TMIE: variants seen among roughly 807,000 people sequenced by gnomAD.
TMIE encodes transmembrane inner ear.
A neutral mutation model predicts 16.8 loss-of-function variants in TMIE; 14 were observed. The observed-to-expected ratio is 0.83, with a 90% CI of 0.55 to 1.30. The LOEUF (loss-of-function observed/expected upper bound fraction) is 1.30. TMIE is among the 50% of genes most tolerant of loss of function. The probability of loss-of-function intolerance (pLI) is 0.00; values close to 1 mark genes in which losing one functional copy is unlikely to be tolerated. For synonymous variants in TMIE, 75 were observed against 87.2 expected, an observed-to-expected ratio of 0.86 and a Z score of 0.78; for missense variants, 204 against 205.9, an observed-to-expected ratio of 0.99 and a Z score of 0.06.
chr3:46,709,649 T>TGAGAAGAATGAGGCC lies in TMIE; in HGVS notation c.433_447dup (p.Glu145_Ala149dup), dbSNP rs1359910824. The TGAGAAGAATGAGGCC allele has an allele frequency of 1.2e-6, 2 of 1,613,442 alleles. No individual in the cohort carries two copies. Among genetic ancestry groups the TGAGAAGAATGAGGCC allele is most frequent in the South Asian group, 1.1e-5 (1 of 91,056 alleles). On this transcript the variant is annotated inframe_insertion, in exon 4 of 4. Coordinates refer to ENST00000643606, the MANE Select transcript of TMIE (RefSeq NM_147196.3). The stretch of plus-strand genomic sequence containing the variant: ...CAGTGGCCATCAAAGTAGAGGAGGA[T>TGAGAAGAATGAGGCC]GAGAAGAATGAGGCCAAGAAGAAGA...
chr3:46,697,226 C>T (rs972011915), upstream of TMIE, among the ~76,000 whole-genome samples: 18 of 152,206 alleles, frequency 1.2e-4, no homozygotes, highest in Admixed American at 9.8e-4. Flanking sequence ...TGTGTTGGGC[C>T]TCAGGGCAGG....
upstream of TMIE, among the ~76,000 whole-genome samples, chr3:46,693,971 A>G (rs1455540293): frequency 6.6e-6 from 1 of 150,946 alleles, no homozygotes; most frequent in East Asian, 2.0e-4. Context: ...CCACGCGCAC[A>G]CTCAGGCTCG....
upstream of TMIE, among the ~76,000 whole-genome samples, chr3:46,699,387 A>G (rs566907678): frequency 2.4e-4 from 37 of 152,266 alleles, no homozygotes; most frequent in African/African-American, 8.4e-4. Context: ...TGTTTCTCAT[A>G]CATTTGTAGC....
chr3:46,696,223 G>T (rs138019013), intron 1 of TMIE, among the ~76,000 whole-genome samples: 245 of 152,328 alleles, frequency 1.6e-3, no homozygotes, highest in Admixed American at 2.8e-3. Flanking sequence ...CCCTGGGTAT[G>T]CGTGTGCAGA....
chr3:46,707,406 C>T (rs969552555), intron 2 of TMIE, among the ~76,000 whole-genome samples: 2 of 152,206 alleles, frequency 1.3e-5, no homozygotes, highest in Admixed American at 6.5e-5. Flanking sequence ...CCCAAGACAC[C>T]TGAGCAGCAG....
At chr3:46,695,356 G>A (rs576068566) in intron 1 of TMIE, among the ~76,000 whole-genome samples, 1 of 152,328 alleles carries the variant, frequency 6.6e-6, no homozygotes, top group Admixed American at 6.5e-5. Context: ...GTGATCACAG[G>A]CAGTGTGTGG....
At chr3:46,707,088 CTGAGAACCAGTCAGGCATCTT>C (rs1027706993) in intron 2 of TMIE, among the ~76,000 whole-genome samples, 15 of 152,364 alleles carry the variant, frequency 9.8e-5, no homozygotes, top group African/African-American at 3.6e-4. Flanking sequence ...CCAGCCGAGG[CTGAGAACCAGTCAGGCATCTT>C]TGTGGAGGCC....
At chr3:46,702,447 G>T (rs1218045967) in intron 1 of TMIE, among the ~76,000 whole-genome samples, 2 of 152,156 alleles carry the variant, frequency 1.3e-5, no homozygotes, top group Non-Finnish European at 2.9e-5. Flanking sequence ...CTCCTGCGGA[G>T]CCTGAAAGGG....
chr3:46,699,072 T>A (rs973130904), upstream of TMIE, among the ~76,000 whole-genome samples: 1 of 142,568 alleles, frequency 7.0e-6, no homozygotes, highest in African/African-American at 2.6e-5. Flanking sequence ...TTTTTTTTTT[T>A]TTTTTTTTTT....
intron 2 of TMIE, among the ~76,000 whole-genome samples, chr3:46,707,370 A>G (rs960554526): frequency 6.6e-6 from 1 of 152,150 alleles, no homozygotes; most frequent in African/African-American, 2.4e-5. Flanking sequence ...CTCTAACCCC[A>G]TTTCCTAGAA....
chr3:46,701,456 C>T lies in TMIE; in HGVS notation c.-32C>T, dbSNP rs1487782423. ...TGACCGGCGGCCGGCCCGTTCGTCC[C>T]TGGGCTCCGCAAGCGGCGCGGTGGC... On this transcript the variant is annotated 5_prime_UTR_variant, in exon 1 of 4. Coordinates refer to ENST00000643606, the MANE Select transcript of TMIE (RefSeq NM_147196.3). This position sits in a 1 kb window ranked among gnomAD's most constrained non-coding sequence, Gnocchi z 4.3. 7.2e-7 allele frequency: 1 copy of T among 1,392,776 alleles called. No homozygotes were observed. The highest frequency in any genetic ancestry group is 1.5e-5 in the African/African-American group (1 of 66,248). 86.3% of individuals were successfully genotyped at this position (1,392,776 alleles called of 1,614,324 possible).
upstream of TMIE, among the ~76,000 whole-genome samples, chr3:46,696,975 T>C (rs181107176): frequency 1.4e-4 from 22 of 152,256 alleles, no homozygotes; most frequent in Non-Finnish European, 2.9e-5. Flanking sequence ...GAAACAGTAC[T>C]GGACACTGAG....
intron 2 of TMIE, among the ~76,000 whole-genome samples, 161 bp downstream of exon 2, chr3:46,706,068 C>G (rs1434522654): frequency 6.6e-6 from 1 of 152,236 alleles, no homozygotes; most frequent in South Asian, 2.1e-4. Context: ...CACACAAACT[C>G]CCCGTGGAGG....
chr3:46,704,441 GC>G (rs1471892327), intron 1 of TMIE, among the ~76,000 whole-genome samples: 13 of 146,704 alleles, frequency 8.9e-5, no homozygotes, highest in Admixed American at 2.0e-4. Flanking sequence ...GACACCCAGG[GC>G]AGGACCATGT....
At chr3:46,697,466 G>A (rs1346270319), upstream of TMIE, among the ~76,000 whole-genome samples, 1 of 152,238 alleles carries the variant, frequency 6.6e-6, no homozygotes, top group African/African-American at 2.4e-5. Flanking sequence ...GAGGCTGGGT[G>A]GCATGCCCAG....
At chr3:46,696,301 C>T (rs1427542575) in intron 1 of TMIE, among the ~76,000 whole-genome samples, 1 of 152,206 alleles carries the variant, frequency 6.6e-6, no homozygotes, top group Non-Finnish European at 1.5e-5. Flanking sequence ...ATGTGAATGG[C>T]ACCTGTGATT....
chr3:46,705,304 A>G (rs2106781694), intron 1 of TMIE, among the ~76,000 whole-genome samples: 1 of 152,272 alleles, frequency 6.6e-6, no homozygotes, highest in Non-Finnish European at 1.5e-5. Flanking sequence ...AAAGGAGGCC[A>G]CCTGGCAGGG....
intron 1 of TMIE, among the ~76,000 whole-genome samples, chr3:46,703,027 C>T (rs1685232906): frequency 6.6e-6 from 1 of 152,188 alleles, no homozygotes; most frequent in Non-Finnish European, 1.5e-5. Flanking sequence ...TTTCCCAGTT[C>T]TAGGGAAATT....
intron 1 of TMIE, among the ~76,000 whole-genome samples, chr3:46,695,360 T>A (rs543463202): frequency 6.6e-6 from 1 of 152,288 alleles, no homozygotes; most frequent in South Asian, 2.1e-4. Flanking sequence ...TCACAGGCAG[T>A]GTGTGGCCTC....
Sources: gnomAD v4.1 joint callset for allele counts (sites outside exome capture counted in the v4.1 genomes callset) on GRCh38, gnomAD v4.1.1 for gene constraint, Gnocchi (gnomAD v3.1) non-coding constraint, MANE v1.5 for transcripts, NCBI Gene and HGNC (gene_info 2026-07-23, HGNC 2026-07-21) for gene names.